The following CNTNAP2 variants were observed in gnomAD, a reference collection of about 807,000 sequenced individuals.
CNTNAP2 encodes the protein contactin associated protein 2.
CNTNAP2 carries 98 observed loss-of-function variants against 155.2 expected under a neutral mutation model. That is an observed-to-expected ratio of 0.63 (90% CI 0.54 to 0.75). CNTNAP2 has a LOEUF of 0.75. Among genes scored for constraint, CNTNAP2 ranks in the 30% least tolerant of loss-of-function variants. The pLI, the probability that CNTNAP2 is intolerant of heterozygous loss-of-function variation, is 0.00. For synonymous variants in CNTNAP2, 651 were observed against 631.2 expected (o/e 1.03, Z -0.47); for missense variants, 1,727 against 1,688.1 (o/e 1.02, Z -0.40).
At chr7:147,202,846 A>G (rs960604579) in intron 8 of CNTNAP2, among the ~76,000 whole-genome samples, 1 of 107,218 alleles carries the variant, frequency 9.3e-6, no homozygotes, top group African/African-American at 2.9e-5. Context: ...TACCTAAAGT[A>G]TAATTAAAAA....
At position 146,998,761 on chromosome 7, in the gene CNTNAP2, A is replaced by G. The variant is rs73740562; in HGVS notation, c.403-45146A>G. Among the ~76,000 whole-genome samples the G allele has an allele frequency of 9.9e-3, 1,495 of 151,654 alleles. 16 individuals carry two copies. The highest frequency in any genetic ancestry group is 0.035 in the African/African-American group (1,431 of 41,214). ...ATTATATCATCTTATCGAATTGACTACTTTATAATGACCTTTTTGTCTCTT... is the reference window on the plus strand; with the variant it reads ...ATTATATCATCTTATCGAATTGACTGCTTTATAATGACCTTTTTGTCTCTT... On this transcript the variant is annotated intron_variant, in intron 3 of 23. Coordinates refer to ENST00000361727, the MANE Select transcript of CNTNAP2 (RefSeq NM_014141.6).
rs1374661342 is a variant in CNTNAP2 at position 146,966,942 on chromosome 7, T to C, written c.403-76965T>C. ...CGCATGGTAGCCCCAAATTGTAATTTCTTGGAGGTGGGACACAGGCAGCCA... is the reference window on the plus strand; with the variant it reads ...CGCATGGTAGCCCCAAATTGTAATTCCTTGGAGGTGGGACACAGGCAGCCA... On this transcript the variant is annotated intron_variant, in intron 3 of 23. Transcript: ENST00000361727. 2.0e-5 allele frequency among the ~76,000 whole-genome samples: 3 copies of C among 152,188 alleles called. No individual in the cohort carries two copies. The East Asian group carries it at 5.8e-4, about 29-fold the overall frequency.
chr7:147,820,067 A>C (rs1450662734), intron 13 of CNTNAP2, among the ~76,000 whole-genome samples: 1 of 152,108 alleles, frequency 6.6e-6, no homozygotes, highest in Non-Finnish European at 1.5e-5. Context: ...AATTTATAAG[A>C]ATCTGATAAT....
chr7:146,385,571 C>T (rs1236982830), intron 1 of CNTNAP2, among the ~76,000 whole-genome samples: 1 of 152,110 alleles, frequency 6.6e-6, no homozygotes, highest in South Asian at 2.1e-4. Flanking sequence ...GCCAAGTAAT[C>T]TCTCTTGTAC....
intron 8 of CNTNAP2, among the ~76,000 whole-genome samples, chr7:147,227,078 A>AT (rs1280102547): frequency 6.6e-6 from 1 of 152,190 alleles, no homozygotes; most frequent in East Asian, 1.9e-4. Flanking sequence ...TAGAGTTTCA[A>AT]TTTTTTAGAA....
chr7:147,381,735 C>T (rs962258823), intron 9 of CNTNAP2, among the ~76,000 whole-genome samples: 8 of 151,884 alleles, frequency 5.3e-5, no homozygotes, highest in African/African-American at 9.7e-5. Context: ...TTCAATTTTA[C>T]GTTCTTGTAA....
intron 16 of CNTNAP2, among the ~76,000 whole-genome samples, chr7:148,122,437 G>A (rs1425786882): frequency 6.6e-6 from 1 of 152,122 alleles, no homozygotes; most frequent in East Asian, 1.9e-4. Flanking sequence ...AGTGGGGGAA[G>A]AACAGGAGCC....
chr7:147,691,117 A>G (rs1329521595), intron 13 of CNTNAP2, among the ~76,000 whole-genome samples: 3 of 152,170 alleles, frequency 2.0e-5, no homozygotes, highest in African/African-American at 7.2e-5. Flanking sequence ...ACTTAATCAT[A>G]GATCACATTA....
chr7:148,166,226 C>T (rs1023134909), intron 17 of CNTNAP2, among the ~76,000 whole-genome samples: 2 of 152,048 alleles, frequency 1.3e-5, no homozygotes, highest in Non-Finnish European at 2.9e-5. Flanking sequence ...TCTCTTTCTG[C>T]CTGCAAGAAT....
intron 18 of CNTNAP2, among the ~76,000 whole-genome samples, chr7:148,191,269 T>TCTCTCC (rs1795199675): frequency 6.6e-6 from 1 of 152,020 alleles, no homozygotes; most frequent in Non-Finnish European, 1.5e-5. Flanking sequence ...TCTCTCTCTC[T>TCTCTCC]CTCTCCCTCT....
chr7:147,942,498 T>C (rs1563142706), intron 14 of CNTNAP2, among the ~76,000 whole-genome samples: 1 of 152,214 alleles, frequency 6.6e-6, no homozygotes, highest in Non-Finnish European at 1.5e-5. Flanking sequence ...TTAATATTCG[T>C]AGGAAGCCTG....
rs1799392980 is a variant in CNTNAP2 at position 148,393,225 on chromosome 7, TGAA to T, written c.3715+9338_3715+9340del. ...TCATTCCTGCTCTTATAATTACATC[TGAA>T]TTATTTCTGAACAGATCCCTTTTCT... On this transcript the variant is annotated intron_variant, in intron 22 of 23. Transcript: ENST00000361727. 2.6e-5 allele frequency among the ~76,000 whole-genome samples: 4 copies of T among 152,216 alleles called. No homozygotes were observed. The South Asian group carries it at 8.3e-4, about 32-fold the overall frequency.
At chr7:147,447,278 C>T (rs1299647261) in intron 10 of CNTNAP2, among the ~76,000 whole-genome samples, 1 of 152,074 alleles carries the variant, frequency 6.6e-6, no homozygotes, top group Non-Finnish European at 1.5e-5. Flanking sequence ...ATATATAGAT[C>T]TACTTACATA....
chr7:146,861,966 C>A (rs762846081), intron 3 of CNTNAP2, among the ~76,000 whole-genome samples: 1 of 152,034 alleles, frequency 6.6e-6, no homozygotes, highest in East Asian at 1.9e-4. Context: ...AATTGTATAA[C>A]CACTGTAATT....
At chr7:147,353,071 G>A (rs1795994967) in intron 9 of CNTNAP2, among the ~76,000 whole-genome samples, 1 of 144,946 alleles carries the variant, frequency 6.9e-6, no homozygotes. Context: ...GTTTCAGCAT[G>A]TAGAATTCTT....
intron 3 of CNTNAP2, among the ~76,000 whole-genome samples, chr7:146,899,281 T>C (rs1489554061): frequency 6.6e-6 from 1 of 152,154 alleles, no homozygotes; most frequent in African/African-American, 2.4e-5. Flanking sequence ...TTTGCTTAGT[T>C]CCAGAATTTC....
chr7:146,246,848 C>T (rs866853630), intron 1 of CNTNAP2, among the ~76,000 whole-genome samples: 26 of 152,308 alleles, frequency 1.7e-4, no homozygotes, highest in African/African-American at 6.3e-4. Context: ...TTGTAGCAAG[C>T]TCCTGGGGGA....
At chr7:146,208,642 G>A (rs1798986215) in intron 1 of CNTNAP2, 1 of 151,646 alleles carries the variant, frequency 6.6e-6, no homozygotes, top group Non-Finnish European at 1.5e-5. Context: ...GAAATTAGCT[G>A]GGCCCATTGC....
chr7:147,103,643 G>T (rs1800697334), intron 4 of CNTNAP2, among the ~76,000 whole-genome samples: 1 of 151,450 alleles, frequency 6.6e-6, no homozygotes, highest in African/African-American at 2.4e-5. Flanking sequence ...AAATTTACTA[G>T]TTTTTAATTA....
Sources: gnomAD v4.1 joint callset for allele counts (sites outside exome capture counted in the v4.1 genomes callset) on GRCh38, gnomAD v4.1.1 for gene constraint, MANE v1.5 for transcripts, NCBI Gene and HGNC (gene_info 2026-07-23, HGNC 2026-07-21) for gene names.